MAPK14: variants seen among roughly 807,000 people sequenced by gnomAD.
The protein encoded by MAPK14 is mitogen-activated protein kinase 14, also known as CSAID-binding protein.
Under a neutral mutation model 49.6 loss-of-function variants are expected in MAPK14, and 16 were observed. The ratio of observed to expected loss-of-function variants is 0.32; its 90% CI spans 0.22 to 0.49. The LOEUF is 0.49. Among genes scored for constraint, MAPK14 ranks in the 20% least tolerant of loss-of-function variants. MAPK14 has a pLI of 0.99. For synonymous variants in MAPK14, 142 were observed against 158.0 expected (o/e 0.90, Z 0.76); for missense variants, 200 against 441.2 (o/e 0.45, Z 4.90).
chr6:36,074,165 C>CT (rs1764425087), intron 6 of MAPK14, 69 bp downstream of exon 6: 1 of 1,200,152 alleles, frequency 8.3e-7, no homozygotes, highest in African/African-American at 1.5e-5. Context: ...AGCAGGCAGA[C>CT]TTTCTTAGGG....
chr6:36,030,773 G>T (rs1248089002), intron 1 of MAPK14, among the ~76,000 whole-genome samples: 1 of 151,262 alleles, frequency 6.6e-6, no homozygotes, highest in Admixed American at 6.6e-5. Context: ...GACAGGCACT[G>T]TTAAGTGTCT....
At chr6:36,065,507 GGT>G (rs386358922) in intron 3 of MAPK14, among the ~76,000 whole-genome samples, 11,230 of 122,478 alleles carry the variant, frequency 0.092, 884 homozygotes, top group East Asian at 0.45. Context: ...GGGCAGAAAA[GGT>G]GTGTGTGTGT....
downstream of MAPK14, among the ~76,000 whole-genome samples, chr6:36,115,940 A>AG (rs1194335750): frequency 6.6e-6 from 1 of 151,204 alleles, no homozygotes; most frequent in East Asian, 1.9e-4. Context: ...AAAAAAAAAA[A>AG]AAAATGAAAA....
intron 8 of MAPK14, 33 bp downstream of exon 8, chr6:36,076,641 T>G (rs1210466075): frequency 6.6e-7 from 1 of 1,515,522 alleles, no homozygotes. Flanking sequence ...TTCTTGTTTC[T>G]TATCTGTATT....
chr6:36,113,788 A>G (rs1213749651), downstream of MAPK14, among the ~76,000 whole-genome samples: 3 of 152,182 alleles, frequency 2.0e-5, no homozygotes, highest in African/African-American at 4.8e-5. Context: ...TTAAAAGTCT[A>G]TGTGACCTGG....
rs147378433 is a variant in MAPK14, at chr6:36,063,008, G to A, written c.305+3661G>A. ...ACGTGTATTTGTCCCTTTATGTTTC[G>A]GTTAGCACTTTTAATTTATATACAG... On this transcript the variant is annotated intron_variant, in intron 3 of 11. Transcript: ENST00000229794. Among the ~76,000 whole-genome samples, 547 of 152,148 alleles carry A rather than the reference G, an allele frequency of 3.6e-3. 3 individuals carry two copies. Among genetic ancestry groups the A allele is most frequent in the African/African-American group, 0.011 (463 of 41,522 alleles).
chr6:36,080,038 G>T (rs1005267822), intron 8 of MAPK14, among the ~76,000 whole-genome samples: 2 of 151,900 alleles, frequency 1.3e-5, no homozygotes, highest in Admixed American at 1.3e-4. Context: ...CCGCCTCCCG[G>T]GCTCAAGCGA....
chr6:36,070,041 T>C (rs879791190), intron 3 of MAPK14, among the ~76,000 whole-genome samples: 9 of 152,204 alleles, frequency 5.9e-5, no homozygotes, highest in Non-Finnish European at 1.3e-4. Context: ...CCTCAGCTTA[T>C]GCATCAATTT....
Position 36,107,732 on chromosome 6 carries a change from G to A in MAPK14, c.1015+104G>A, listed in dbSNP as rs1765841261. The A allele has an allele frequency of 5.6e-6, 4 of 714,216 alleles. No individual in the cohort carries two copies. Among genetic ancestry groups the A allele is most frequent in the East Asian group, 5.8e-5 (2 of 34,594 alleles). 44.2% of individuals were successfully genotyped at this position (714,216 alleles called of 1,614,324 possible). A position where few individuals can be genotyped will look rare whatever the true frequency, so the allele number is the denominator to read the frequency against. On this transcript the variant is annotated intron_variant, in intron 11 of 11. Coordinates refer to ENST00000229794, the MANE Select transcript of MAPK14 (RefSeq NM_139012.3). This position sits in a 1 kb window ranked among gnomAD's most constrained non-coding sequence, Gnocchi z 4.3. ...CCAACTTGCTAAAGCTTGTAGATGAGGTCTCTAATGCAGAATGAATATGTT... is the reference window on the plus strand; with the variant it reads ...CCAACTTGCTAAAGCTTGTAGATGAAGTCTCTAATGCAGAATGAATATGTT...
intron 8 of MAPK14, among the ~76,000 whole-genome samples, chr6:36,094,395 G>A (rs917918192): frequency 6.6e-6 from 1 of 152,150 alleles, no homozygotes; most frequent in Non-Finnish European, 1.5e-5. Context: ...CCTATAGACT[G>A]TACATAAATG....
intron 3 of MAPK14, among the ~76,000 whole-genome samples, chr6:36,071,183 A>G (rs1012932345): frequency 2.4e-4 from 36 of 152,078 alleles, no homozygotes; most frequent in African/African-American, 7.5e-4. Flanking sequence ...AAATACAAAA[A>G]TTAGCCAGGC....
Position 36,108,553 on chromosome 6 carries a change from C to T in MAPK14, c.*106C>T, listed in dbSNP as rs1441978420. Reference sequence around the variant, plus strand: ...GTGCCTCTTGTTGCAGAGATTTCCTCCATGGTGGAAGGGGGTGTGCGTGCG... The same window carrying T: ...GTGCCTCTTGTTGCAGAGATTTCCTTCATGGTGGAAGGGGGTGTGCGTGCG... On this transcript the variant is annotated 3_prime_UTR_variant, in exon 12 of 12. Coordinates refer to ENST00000229794, the MANE Select transcript of MAPK14 (RefSeq NM_139012.3). The T allele has an allele frequency of 5.3e-6, 5 of 940,540 alleles. No individual in the cohort carries two copies. Among genetic ancestry groups the T allele is most frequent in the Non-Finnish European group, 8.7e-6 (5 of 577,030 alleles). 58.3% of individuals were successfully genotyped at this position (940,540 alleles called of 1,614,324 possible).
chr6:36,059,434 T>A, intron 3 of MAPK14, 87 bp downstream of exon 3: 2 of 961,042 alleles, frequency 2.1e-6, no homozygotes, highest in Admixed American at 1.9e-5. Context: ...TAGCAACATA[T>A]AGACTTCAAA....
chr6:36,037,581 C>A (rs1299174156), intron 1 of MAPK14, among the ~76,000 whole-genome samples: 1 of 152,156 alleles, frequency 6.6e-6, no homozygotes, highest in African/African-American at 2.4e-5. Context: ...TCATGGTAAT[C>A]TCCTTGAGGA....
intron 2 of MAPK14, among the ~76,000 whole-genome samples, chr6:36,054,780 T>C (rs999956569): frequency 2.0e-5 from 3 of 152,234 alleles, no homozygotes; most frequent in African/African-American, 7.2e-5. Flanking sequence ...GAGAAATTCA[T>C]CTCGTTTACC....
chr6:36,075,495 CAG>C (rs1336660276), intron 6 of MAPK14, among the ~76,000 whole-genome samples: 2 of 152,072 alleles, frequency 1.3e-5, no homozygotes, highest in Non-Finnish European at 1.5e-5. Flanking sequence ...ATGAACATAA[CAG>C]AATTTTTAAA....
intron 8 of MAPK14, among the ~76,000 whole-genome samples, chr6:36,093,720 C>CAAAAAA (rs11343231): frequency 1.4e-4 from 12 of 83,134 alleles, no homozygotes; most frequent in Non-Finnish European, 2.3e-4. Context: ...GACTCCGTCT[C>CAAAAAA]AAAAAAAAAA....
At chr6:36,066,470 C>T (rs1581778812) in intron 3 of MAPK14, among the ~76,000 whole-genome samples, 1 of 151,816 alleles carries the variant, frequency 6.6e-6, no homozygotes, top group African/African-American at 2.4e-5. Flanking sequence ...TGAGTCAAAT[C>T]TGTAATGTCT....
intron 9 of MAPK14, among the ~76,000 whole-genome samples, chr6:36,101,087 G>C (rs994807223): frequency 2.0e-5 from 3 of 152,150 alleles, no homozygotes; most frequent in Admixed American, 6.5e-5. Context: ...TTTCAAATCA[G>C]AAAGATTCTC....
Sources: gnomAD v4.1 joint callset for allele counts (sites outside exome capture counted in the v4.1 genomes callset) on GRCh38, gnomAD v4.1.1 for gene constraint, Gnocchi (gnomAD v3.1) non-coding constraint, MANE v1.5 for transcripts, NCBI Gene and HGNC (gene_info 2026-07-23, HGNC 2026-07-21) for gene names.